The following SRSF4 variants were observed in gnomAD, a reference collection of about 807,000 sequenced individuals.
SRSF4 encodes the protein serine and arginine rich splicing factor 4, also known as serine/arginine-rich splicing factor 4.
Under a neutral mutation model 48.8 loss-of-function variants are expected in SRSF4, and 12 were observed. The observed-to-expected ratio is 0.25, with a 90% CI of 0.16 to 0.40. The LOEUF is 0.40. Among genes scored for constraint, SRSF4 ranks in the 10% least tolerant of loss-of-function variants. The pLI, the probability that SRSF4 is intolerant of heterozygous loss-of-function variation, is 1.00. For missense variants in SRSF4, 466 were observed against 667.1 expected (o/e 0.70, Z 3.32); for synonymous variants, 248 against 232.5 (o/e 1.07, Z -0.61).
At position 29,148,298 on chromosome 1, in the gene SRSF4, A is replaced by T; in HGVS notation, c.*112T>A. 5.9e-6 allele frequency: 8 copies of T among 1,358,722 alleles called. No individual in the cohort carries two copies. The highest frequency in any genetic ancestry group is 8.2e-6 in the Non-Finnish European group (8 of 973,642). 84.2% of individuals were successfully genotyped at this position (1,358,722 alleles called of 1,614,324 possible). A position where few individuals can be genotyped will look rare whatever the true frequency, so the allele number is the denominator to read the frequency against. On this transcript the variant is annotated 3_prime_UTR_variant, in exon 6 of 6. Coordinates refer to ENST00000373795, the MANE Select transcript of SRSF4 (RefSeq NM_005626.5). Reference sequence around the variant, plus strand: ...ATTTAACAATTATAGACACACCATTAGGGGAGTTAAAAATGTACAGCAGTG... The same window carrying T: ...ATTTAACAATTATAGACACACCATTTGGGGAGTTAAAAATGTACAGCAGTG...
At chr1:29,150,041 A>C in intron 5 of SRSF4, 62 bp downstream of exon 5, 1 of 1,408,744 alleles carries the variant, frequency 7.1e-7, no homozygotes, top group South Asian at 1.2e-5. Flanking sequence ...AAAGAAAAAA[A>C]AGTGAGACAG....
intron 1 of SRSF4, chr1:29,172,988 G>A (rs1354495410): frequency 6.6e-6 from 1 of 151,766 alleles, no homozygotes; most frequent in Non-Finnish European, 1.5e-5. Context: ...GATAAATTAA[G>A]TAAAAAAAGC....
At chr1:29,159,293 G>T in intron 3 of SRSF4, 81 bp downstream of exon 3, 1 of 885,536 alleles carries the variant, frequency 1.1e-6, no homozygotes, top group Middle Eastern at 2.2e-4. Flanking sequence ...TTTTGTGTAT[G>T]CCTGGGCCTG....
At chr1:29,163,000 T>C (rs968365088) in intron 1 of SRSF4, among the ~76,000 whole-genome samples, 3 of 152,230 alleles carry the variant, frequency 2.0e-5, no homozygotes, top group Admixed American at 6.5e-5. Flanking sequence ...GCAGAACTTA[T>C]CCTGACCTTT....
chr1:29,159,536 A>G (rs1430105115), intron 2 of SRSF4, 50 bp from the exon 3 acceptor site: 1 of 1,381,282 alleles, frequency 7.2e-7, no homozygotes, highest in South Asian at 1.2e-5. Context: ...GAAAAGGAAA[A>G]AAAATGACAC....
intron 1 of SRSF4, among the ~76,000 whole-genome samples, chr1:29,168,099 T>TCTGA (rs1672693551): frequency 6.7e-6 from 1 of 150,274 alleles, no homozygotes; most frequent in African/African-American, 2.5e-5. Flanking sequence ...CACTGCAACC[T>TCTGA]CTGACCCTGG....
chr1:29,167,492 C>G (rs1672684431), intron 1 of SRSF4, among the ~76,000 whole-genome samples: 1 of 152,248 alleles, frequency 6.6e-6, no homozygotes, highest in Non-Finnish European at 1.5e-5. Flanking sequence ...TCAAGCAGTT[C>G]TCCTGCCTCA....
In SRSF4 at chr1:29,160,015, A is replaced by G. The variant is rs548152106; in HGVS notation, c.250+360T>C. On this transcript the variant is annotated intron_variant, in intron 2 of 5. Coordinates refer to ENST00000373795, the MANE Select transcript of SRSF4 (RefSeq NM_005626.5). ...GAGCCACGCATGGAAAGGTAACCCA[A>G]GGTCAGCAAATGGAACAGGCAGTCA... is the stretch of plus-strand genomic sequence containing the variant. 3.7e-3 allele frequency: 744 copies of G among 199,552 alleles called. 3 individuals are homozygous for G. Among genetic ancestry groups the G allele is most frequent in the Non-Finnish European group, 6.6e-3 (653 of 98,372 alleles). The allele number at this position is 199,552 out of a possible 1,614,324, so 12.4% of individuals were successfully genotyped here. A position where few individuals can be genotyped will look rare whatever the true frequency, so the allele number is the denominator to read the frequency against.
chr1:29,152,059 C>T (rs1023346462), intron 4 of SRSF4, among the ~76,000 whole-genome samples: 2 of 152,134 alleles, frequency 1.3e-5, no homozygotes, highest in African/African-American at 2.4e-5. Context: ...GGGAGGACCG[C>T]TTGAACCCAG....
At chr1:29,158,933 C>T (rs780996451) in intron 3 of SRSF4, among the ~76,000 whole-genome samples, 37 of 152,044 alleles carry the variant, frequency 2.4e-4, no homozygotes, top group Non-Finnish European at 4.0e-4. Flanking sequence ...GGTGAAACCT[C>T]GTCTCTACTA....
chr1:29,175,681 C>A lies in SRSF4; in HGVS notation c.107+5965G>T, dbSNP rs1672829918. Reference sequence around the variant, plus strand: ...CTGCACTCCAGCCTGGGCGACAGAGCCAGACGCTGTCTCAAAAAAAAAAAA... The same window carrying A: ...CTGCACTCCAGCCTGGGCGACAGAGACAGACGCTGTCTCAAAAAAAAAAAA... On this transcript the variant is annotated intron_variant, in intron 1 of 5. Coordinates refer to ENST00000373795, the MANE Select transcript of SRSF4 (RefSeq NM_005626.5). 4.2e-5 allele frequency among the ~76,000 whole-genome samples: 4 copies of A among 94,326 alleles called. No homozygotes were observed. The South Asian group carries it at 1.8e-3, about 41-fold the overall frequency. 61.9% of individuals were successfully genotyped at this position (94,326 alleles called of 152,430 possible).
chr1:29,179,528 T>G (rs1210433070), intron 1 of SRSF4, among the ~76,000 whole-genome samples: 1 of 152,046 alleles, frequency 6.6e-6, no homozygotes, highest in Non-Finnish European at 1.5e-5. Context: ...CGTGGCTAAT[T>G]AAAAAAATTT....
At chr1:29,149,884 C>G (rs559698298) in intron 5 of SRSF4, among the ~76,000 whole-genome samples, 75 of 151,754 alleles carry the variant, frequency 4.9e-4, no homozygotes, top group African/African-American at 1.7e-3. Context: ...AAAAAATTAG[C>G]TGGGTGTGGT....
intron 4 of SRSF4, among the ~76,000 whole-genome samples, chr1:29,151,511 A>C (rs1574189168): frequency 6.6e-6 from 1 of 152,138 alleles, no homozygotes; most frequent in Non-Finnish European, 1.5e-5. Flanking sequence ...AAACAAAAAA[A>C]CCCAAACCTA....
At chr1:29,166,828 C>A (rs1420583388) in intron 1 of SRSF4, 2 of 152,358 alleles carry the variant, frequency 1.3e-5, no homozygotes, top group East Asian at 3.9e-4. Context: ...TTCCCGCACA[C>A]CAAGGGCTCT....
chr1:29,174,908 G>C (rs1472374691), intron 1 of SRSF4, among the ~76,000 whole-genome samples: 23 of 150,800 alleles, frequency 1.5e-4, no homozygotes, highest in Admixed American at 1.3e-3. Flanking sequence ...TCTTGACCTT[G>C]TGATCTGCCA....
At chr1:29,172,783 G>C (rs1440109573) in intron 1 of SRSF4, 1 of 152,068 alleles carries the variant, frequency 6.6e-6, no homozygotes, top group Non-Finnish European at 1.5e-5. Context: ...TATGTACTCA[G>C]GGATAATAAA....
rs1028086098 is a variant in SRSF4 at position 29,177,406 on chromosome 1, C to T, written c.107+4240G>A. Among the ~76,000 whole-genome samples the T allele has an allele frequency of 2.6e-5, 4 of 151,944 alleles. No homozygotes were observed. The South Asian group carries it at 6.2e-4, about 24-fold the overall frequency. On this transcript the variant is annotated intron_variant, in intron 1 of 5. Transcript: ENST00000373795. ...AAGTGATTCTCTTGCCTCAGCCTCC[C>T]GAGTAGCCAGGATTACAGGCATGTG...
chr1:29,175,159 C>T (rs1290634666), intron 1 of SRSF4, among the ~76,000 whole-genome samples: 2 of 152,056 alleles, frequency 1.3e-5, no homozygotes, highest in East Asian at 1.9e-4. Context: ...TGGTGGCTCA[C>T]GCCTGTAATC....
Sources: gnomAD v4.1 joint callset for allele counts (sites outside exome capture counted in the v4.1 genomes callset) on GRCh38, gnomAD v4.1.1 for gene constraint, MANE v1.5 for transcripts, NCBI Gene and HGNC (gene_info 2026-07-23, HGNC 2026-07-21) for gene names.